Variants in SYNE3 observed in about 807,000 individuals in gnomAD.
SYNE3 encodes the protein nesprin-3.
A neutral mutation model predicts 111.2 loss-of-function variants in SYNE3; 100 were observed. That is an observed-to-expected ratio of 0.90 (90% CI 0.77 to 1.06). SYNE3 has a LOEUF of 1.06. Ranked by LOEUF, SYNE3 falls within the 50% of genes least tolerant of loss-of-function variation. The pLI is 0.00. For synonymous variants in SYNE3, 547 were observed against 533.9 expected, an observed-to-expected ratio of 1.02 and a Z score of -0.34; for missense variants, 1,160 against 1,240.3, an observed-to-expected ratio of 0.94 and a Z score of 0.97.
At chr14:95,461,829 G>C (rs1457429122) in intron 4 of SYNE3, among the ~76,000 whole-genome samples, 2 of 152,234 alleles carry the variant, frequency 1.3e-5, no homozygotes, top group African/African-American at 4.8e-5. Context: ...TTTCAGAGCA[G>C]GGACTGGGAG....
Position 95,457,315 on chromosome 14 carries a change from C to T in SYNE3, c.651G>A (p.Gln217=), listed in dbSNP as rs759503698. Residue 217 remains glutamine (Q), a synonymous_variant, in exon 5 of 18, where the codon CAG becomes CAA. Coordinates refer to ENST00000682763, the MANE Select transcript of SYNE3 (RefSeq NM_152592.6). ...GGTACTCCTCATGCTCCCGGGCCAC[C>T]TGCTCCAGCAGATCTACACGCTTCT... is the stretch of plus-strand genomic sequence containing the variant. The part of the protein sequence containing the change: ...KAQKRVDLLE[Q]VAREHEEYQA... The T allele has an allele frequency of 6.2e-7, 1 of 1,607,482 alleles. No homozygotes were observed. Among genetic ancestry groups the T allele is most frequent in the Non-Finnish European group, 8.5e-7 (1 of 1,176,492 alleles).
In SYNE3 at chr14:95,417,195, C is replaced by T. The variant is rs907443107; in HGVS notation, c.*631G>A. On this transcript the variant is annotated 3_prime_UTR_variant, in exon 18 of 18. Transcript: ENST00000682763. Reference sequence around the variant, plus strand: ...TTTCTCCCTCGATATCACTCTGTCACTTGTCACTGCTATCATTGAACCTGC... The same window carrying T: ...TTTCTCCCTCGATATCACTCTGTCATTTGTCACTGCTATCATTGAACCTGC... The T allele has an allele frequency of 1.3e-5, 2 of 159,266 alleles. No individual in the cohort carries two copies. Among genetic ancestry groups the T allele is most frequent in the Admixed American group, 5.8e-5 (1 of 17,220 alleles). The allele number at this position is 159,266 out of a possible 1,614,324, so 9.9% of individuals were successfully genotyped here. A position where few individuals can be genotyped will look rare whatever the true frequency, so the allele number is the denominator to read the frequency against.
rs545556013 is a variant in SYNE3, at chr14:95,408,876, C to T, written c.*8950G>A. On this transcript the variant is annotated 3_prime_UTR_variant, in exon 18 of 18. Transcript: ENST00000682763. ...GCCAACTCTGTCCTCTGCCTGCCCC[C>T]GCAAGGGCTGGCCTGTCCGTGCTTT... 4.2e-4 allele frequency: 143 copies of T among 340,332 alleles called. No homozygotes were observed. The highest frequency in any genetic ancestry group is 1.1e-3 in the Middle Eastern group (1 of 918). 21.1% of individuals were successfully genotyped at this position (340,332 alleles called of 1,614,324 possible).
Position 95,408,520 on chromosome 14 carries a change from C to T in SYNE3, c.*9306G>A, listed in dbSNP as rs1203464276. ...AGAATGCCAGGGAGAGGCATAAAAA[C>T]TCTGGACTTTGGGTAAAACGTCCTG... On this transcript the variant is annotated 3_prime_UTR_variant, in exon 18 of 18. Transcript: ENST00000682763. 6.5e-6 allele frequency: 1 copy of T among 153,266 alleles called. No individual in the cohort carries two copies. Among genetic ancestry groups the T allele is most frequent in the African/African-American group, 2.4e-5 (1 of 41,438 alleles). The allele number at this position is 153,266 out of a possible 1,614,324, so 9.5% of individuals were successfully genotyped here.
chr14:95,508,643 T>C (rs888103501), intron 1 of SYNE3, among the ~76,000 whole-genome samples: 10 of 152,130 alleles, frequency 6.6e-5, no homozygotes, highest in African/African-American at 2.4e-4. Flanking sequence ...GGGAGGCACT[T>C]TTTAGGAAAA....
intron 17 of SYNE3, among the ~76,000 whole-genome samples, chr14:95,423,094 T>G (rs1595172899): frequency 2.0e-5 from 3 of 152,204 alleles, no homozygotes; most frequent in Admixed American, 1.3e-4. Context: ...GGCAGGGGGC[T>G]GGGTTCGTCT....
At chr14:95,434,955 A>G (rs1886002834) in intron 15 of SYNE3, among the ~76,000 whole-genome samples, 1 of 152,234 alleles carries the variant, frequency 6.6e-6, no homozygotes, top group Non-Finnish European at 1.5e-5. Context: ...TGCCCTGCCT[A>G]TCCTAAATCT....
intron 5 of SYNE3, among the ~76,000 whole-genome samples, chr14:95,456,468 T>C (rs1887445012): frequency 6.6e-6 from 1 of 152,222 alleles, no homozygotes; most frequent in African/African-American, 2.4e-5. Flanking sequence ...TCCTGTGCAC[T>C]GTAGGATGGT....
At position 95,457,220 on chromosome 14, in the gene SYNE3, C is replaced by G. The variant is rs202183573; in HGVS notation, c.746G>C (p.Arg249Pro). The G allele has an allele frequency of 1.2e-5, 19 of 1,614,008 alleles. No homozygotes were observed. The highest frequency in any genetic ancestry group is 1.6e-5 in the Non-Finnish European group (19 of 1,180,028). ...CTGCGTGATGGGCAGCTTGCAGTTCCGCCCCAGGCAGCCATTCACCTTCTC... is the reference window on the plus strand; with the variant it reads ...CTGCGTGATGGGCAGCTTGCAGTTCGGCCCCAGGCAGCCATTCACCTTCTC... Reference protein sequence around the residue: ...VVEKVNGCLGRNCKLPITQRL... With the variant: ...VVEKVNGCLGPNCKLPITQRL... The change falls in exon 5 of 18, where the codon CGG (arginine) becomes CCG (proline). Residue 249 changes from arginine (R) to proline (P), a missense_variant. Coordinates refer to ENST00000682763, the MANE Select transcript of SYNE3 (RefSeq NM_152592.6).
At chr14:95,483,113 C>T (rs568324292) in intron 1 of SYNE3, among the ~76,000 whole-genome samples, 1 of 152,338 alleles carries the variant, frequency 6.6e-6, no homozygotes, top group African/African-American at 2.4e-5. Context: ...CTGAGCCCCC[C>T]AGCTGCCAGG....
Position 95,444,646 on chromosome 14 carries a change from AGT to A in SYNE3, c.1633-20_1633-19del. ...AGCAGGCTCTGCAGAGACACAGGAC[AGT>A]GTGCACATTAAGAGCGTTCCTCATG... On this transcript the variant is annotated intron_variant, in intron 9 of 17. Coordinates refer to ENST00000682763, the MANE Select transcript of SYNE3 (RefSeq NM_152592.6). The A allele has an allele frequency of 1.3e-6, 2 of 1,569,062 alleles. No homozygotes were observed. Among genetic ancestry groups the A allele is most frequent in the East Asian group, 4.6e-5 (2 of 43,922 alleles).
intron 1 of SYNE3, among the ~76,000 whole-genome samples, chr14:95,503,610 C>CTTTTTTTTT (rs386382233): frequency 1.1e-5 from 1 of 91,884 alleles, no homozygotes; most frequent in African/African-American, 4.5e-5. Context: ...TCAGAACTAC[C>CTTTTTTTTT]TTTTTTTTTT....
chr14:95,439,501 G>T, intron 13 of SYNE3, 111 bp downstream of exon 13: 2 of 1,422,902 alleles, frequency 1.4e-6, no homozygotes, highest in Non-Finnish European at 1.9e-6. Flanking sequence ...CACGGCCCCT[G>T]GCTCCACACT....
chr14:95,503,386 C>T (rs1890410448), intron 1 of SYNE3, among the ~76,000 whole-genome samples: 2 of 152,202 alleles, frequency 1.3e-5, no homozygotes, highest in South Asian at 4.1e-4. Context: ...TACAAGGATT[C>T]TTTCACTGAT....
At chr14:95,511,814 G>T (rs1890732245) in intron 1 of SYNE3, among the ~76,000 whole-genome samples, 1 of 152,126 alleles carries the variant, frequency 6.6e-6, no homozygotes. Flanking sequence ...GTGCCCTAAG[G>T]AGGAGCCTTG....
intron 1 of SYNE3, among the ~76,000 whole-genome samples, chr14:95,496,372 T>G (rs1384852584): frequency 6.6e-6 from 1 of 152,174 alleles, no homozygotes; most frequent in Admixed American, 6.5e-5. Context: ...ATCCCTCCAC[T>G]CCAGTCTCTC....
At chr14:95,499,283 C>A (rs1005446578) in intron 1 of SYNE3, among the ~76,000 whole-genome samples, 1 of 152,196 alleles carries the variant, frequency 6.6e-6, no homozygotes. Flanking sequence ...TCTGAATGAA[C>A]GCCTCCTGTG....
chr14:95,504,955 G>A (rs1272707345), intron 1 of SYNE3, among the ~76,000 whole-genome samples: 3 of 152,270 alleles, frequency 2.0e-5, no homozygotes, highest in African/African-American at 7.2e-5. Context: ...AAGCTGGCTA[G>A]GGCCAGGCAG....
At chr14:95,424,781 A>G (rs958623827) in intron 17 of SYNE3, among the ~76,000 whole-genome samples, 9 of 152,226 alleles carry the variant, frequency 5.9e-5, no homozygotes, top group African/African-American at 2.2e-4. Flanking sequence ...GTCAAGAAGA[A>G]TTAAGAAAAA....
Sources: allele counts gnomAD v4.1 joint callset (sites outside exome capture counted in the v4.1 genomes callset), GRCh38; gene constraint gnomAD v4.1.1; transcripts MANE v1.5; gene names NCBI Gene and HGNC (gene_info 2026-07-23, HGNC 2026-07-21).